The following CNTN4 variants were observed in gnomAD, a reference collection of about 807,000 sequenced individuals.
CNTN4 encodes contactin-4.
Under a neutral mutation model 122.5 loss-of-function variants are expected in CNTN4, and 77 were observed. That is an observed-to-expected ratio of 0.63 (90% CI 0.52 to 0.76). The LOEUF is 0.76. Among genes scored for constraint, CNTN4 ranks in the 30% least tolerant of loss-of-function variants. CNTN4 has a pLI of 0.00. For synonymous variants in CNTN4, 512 were observed against 447.0 expected (o/e 1.15, Z -1.83); for missense variants, 1,256 against 1,259.1 (o/e 1.00, Z 0.04).
At chr3:2,361,249 A>C (rs1376511703) in intron 3 of CNTN4, among the ~76,000 whole-genome samples, 2 of 149,944 alleles carry the variant, frequency 1.3e-5, no homozygotes, top group Non-Finnish European at 2.9e-5. Context: ...TTTGCAACTC[A>C]CTGAGCACAA....
At chr3:3,011,061 T>C (rs1037621186) in intron 14 of CNTN4, among the ~76,000 whole-genome samples, 8 of 152,200 alleles carry the variant, frequency 5.3e-5, no homozygotes, top group Admixed American at 1.3e-4. Context: ...AATCTTGCAC[T>C]GTATGTGGGC....
chr3:2,794,145 C>T (rs2092096951), intron 6 of CNTN4, among the ~76,000 whole-genome samples: 1 of 152,082 alleles, frequency 6.6e-6, no homozygotes. Flanking sequence ...ATAATGAAAA[C>T]CATGTGCCAT....
chr3:2,875,359 C>G (rs889186513), intron 8 of CNTN4, among the ~76,000 whole-genome samples: 7 of 152,162 alleles, frequency 4.6e-5, no homozygotes, highest in African/African-American at 1.7e-4. Context: ...TCTTGTGATT[C>G]AGTATTTGGC....
chr3:2,973,785 G>A (rs535822903), intron 13 of CNTN4, among the ~76,000 whole-genome samples: 1 of 151,112 alleles, frequency 6.6e-6, no homozygotes, highest in Admixed American at 6.6e-5. Flanking sequence ...TTGAGGAAGT[G>A]TAACATCAAT....
intron 4 of CNTN4, among the ~76,000 whole-genome samples, chr3:2,631,755 A>G: frequency 6.6e-6 from 1 of 151,638 alleles, no homozygotes; most frequent in Non-Finnish European, 1.5e-5. Flanking sequence ...CTGGCCAGGC[A>G]TGATGACTCA....
chr3:2,351,879 AGG>A (rs976364270), intron 3 of CNTN4, among the ~76,000 whole-genome samples: 12 of 152,100 alleles, frequency 7.9e-5, no homozygotes, highest in African/African-American at 2.7e-4. Context: ...TATAGACAAG[AGG>A]AATAGGTTTT....
chr3:2,802,496 T>G (rs374798194), intron 6 of CNTN4, among the ~76,000 whole-genome samples: 9 of 152,214 alleles, frequency 5.9e-5, no homozygotes, highest in African/African-American at 2.2e-4. Flanking sequence ...CATAAGAAAA[T>G]CGTGCCTTAC....
chr3:2,744,057 TG>T (rs1190386089), intron 5 of CNTN4, among the ~76,000 whole-genome samples: 1 of 152,206 alleles, frequency 6.6e-6, no homozygotes, highest in Non-Finnish European at 1.5e-5. Context: ...TCAAGAGACC[TG>T]CCTGCTTCAG....
At chr3:2,241,034 A>G (rs1019972586) in intron 2 of CNTN4, among the ~76,000 whole-genome samples, 4 of 152,198 alleles carry the variant, frequency 2.6e-5, no homozygotes, top group African/African-American at 9.6e-5. Flanking sequence ...GGTTTGCAGC[A>G]TGGCATTGAC....
At chr3:2,566,268 A>G (rs142792137) in intron 3 of CNTN4, among the ~76,000 whole-genome samples, 1,839 of 152,366 alleles carry the variant, frequency 0.012, 15 homozygotes, top group Middle Eastern at 0.051. Context: ...CAGTATTTGA[A>G]GTATGAAGAC....
At chr3:2,664,346 C>T (rs1482667634) in intron 4 of CNTN4, among the ~76,000 whole-genome samples, 1 of 152,128 alleles carries the variant, frequency 6.6e-6, no homozygotes, top group East Asian at 1.9e-4. Flanking sequence ...TTGCATTTTT[C>T]TGTGGGAAAC....
At chr3:2,749,278 A>G (rs887183100) in intron 6 of CNTN4, among the ~76,000 whole-genome samples, 5 of 151,142 alleles carry the variant, frequency 3.3e-5, no homozygotes, top group Non-Finnish European at 7.4e-5. Flanking sequence ...ATTCTGCCTC[A>G]GCCTCCAAAG....
chr3:3,036,583 C>G (rs923983858), intron 17 of CNTN4, among the ~76,000 whole-genome samples: 1 of 148,518 alleles, frequency 6.7e-6, no homozygotes, highest in Non-Finnish European at 1.5e-5. Flanking sequence ...GGAAATGAGG[C>G]GAAATCCCGT....
chr3:2,645,121 G>A (rs185464880), intron 4 of CNTN4, among the ~76,000 whole-genome samples: 30 of 152,056 alleles, frequency 2.0e-4, no homozygotes, highest in African/African-American at 7.0e-4. Context: ...TTATTTTTCA[G>A]ACATGAAAAT....
At chr3:3,041,324 A>G (rs1342821364) in intron 20 of CNTN4, among the ~76,000 whole-genome samples, 2 of 152,320 alleles carry the variant, frequency 1.3e-5, no homozygotes, top group African/African-American at 4.8e-5. Flanking sequence ...ACCATTGCCA[A>G]AGGATTTACA....
chr3:2,915,348 G>A (rs946969910), intron 12 of CNTN4, among the ~76,000 whole-genome samples: 1 of 152,248 alleles, frequency 6.6e-6, no homozygotes, highest in African/African-American at 2.4e-5. Flanking sequence ...TTACTGGCAT[G>A]AGCCACTGTG....
At chr3:2,146,228 TATTA>T (rs1426727977) in intron 2 of CNTN4, among the ~76,000 whole-genome samples, 1 of 151,590 alleles carries the variant, frequency 6.6e-6, no homozygotes, top group Non-Finnish European at 1.5e-5. Flanking sequence ...AATTGACTTC[TATTA>T]ATTCAGTCAT....
At chr3:2,141,452 A>G (rs1420471002) in intron 2 of CNTN4, among the ~76,000 whole-genome samples, 1 of 152,038 alleles carries the variant, frequency 6.6e-6, no homozygotes, top group African/African-American at 2.4e-5. Flanking sequence ...TCTCTGATAG[A>G]CCCTCCAAAA....
intron 4 of CNTN4, among the ~76,000 whole-genome samples, chr3:2,573,786 C>T (rs1190903786): frequency 1.3e-5 from 2 of 152,166 alleles, no homozygotes; most frequent in African/African-American, 4.8e-5. Flanking sequence ...ACCTGTTTTA[C>T]ACGGCATTAA....
Sources: allele counts gnomAD v4.1 joint callset (sites outside exome capture counted in the v4.1 genomes callset), GRCh38; gene constraint gnomAD v4.1.1; transcripts MANE v1.5; gene names NCBI Gene and HGNC (gene_info 2026-07-23, HGNC 2026-07-21).